Variants in ERCC5 observed in about 807,000 individuals in gnomAD.
ERCC5 encodes DNA excision repair protein ERCC-5.
A neutral mutation model predicts 105.6 loss-of-function variants in ERCC5; 68 were observed. The ratio of observed to expected loss-of-function variants is 0.64; its 90% CI spans 0.53 to 0.79. The LOEUF (loss-of-function observed/expected upper bound fraction) is 0.79. Among genes scored for constraint, ERCC5 ranks in the 30% least tolerant of loss-of-function variants. The pLI, the probability that ERCC5 is intolerant of heterozygous loss-of-function variation, is 0.00. For synonymous variants in ERCC5, 546 were observed against 526.2 expected, an observed-to-expected ratio of 1.04 and a Z score of -0.51; for missense variants, 1,373 against 1,426.7, an observed-to-expected ratio of 0.96 and a Z score of 0.61.
chr13:102,850,282 G>A (rs1429678563), intron 1 of ERCC5, among the ~76,000 whole-genome samples: 2 of 152,146 alleles, frequency 1.3e-5, no homozygotes, highest in African/African-American at 2.4e-5. Context: ...TCTAGACTGA[G>A]GAGGGGACCC....
At chr13:102,857,093 A>G (rs1204884006) in intron 5 of ERCC5, among the ~76,000 whole-genome samples, 1 of 152,220 alleles carries the variant, frequency 6.6e-6, no homozygotes, top group East Asian at 1.9e-4. Context: ...ACATTTTTCA[A>G]GTTTCTTAGT....
chr13:102,867,679 G>A (rs575650909), intron 11 of ERCC5, among the ~76,000 whole-genome samples: 2 of 152,322 alleles, frequency 1.3e-5, no homozygotes, highest in East Asian at 1.9e-4. Flanking sequence ...GAATGAAGTC[G>A]AGGAGGATTC....
intron 4 of ERCC5, among the ~76,000 whole-genome samples, chr13:102,854,705 T>G (rs1882341679): frequency 6.6e-6 from 1 of 152,196 alleles, no homozygotes; most frequent in Admixed American, 6.5e-5. Context: ...TCCAGTATGG[T>G]CTCTCTCACC....
chr13:102,872,231 G>A lies in ERCC5; in HGVS notation c.2712G>A (p.Lys904=), dbSNP rs763678416. The change falls in exon 13 of 15, where the codon AAG becomes AAA. Residue 904 remains lysine, a synonymous_variant. Transcript: ENST00000652225. The part of the protein sequence containing the change: ...EWWHEAQKNP[K]IRPNPHDTKV... ...GGCATGAAGCTCAAAAAAATCCAAA[G>A]ATAAGACCTAATCCTCATGACACCA... 7 of 1,613,824 alleles carry A rather than the reference G, an allele frequency of 4.3e-6. No individual in the cohort carries two copies. In the African/African-American group the frequency reaches 6.7e-5, roughly 15 times the overall value.
chr13:102,866,495 G>T (rs538035212), intron 10 of ERCC5, 114 bp downstream of exon 10: 2 of 1,601,166 alleles, frequency 1.2e-6, no homozygotes, highest in Admixed American at 1.7e-5. Context: ...TGGTGATGCC[G>T]TTCCCTGGGG....
chr13:102,853,339 T>A (rs979000959), intron 2 of ERCC5, among the ~76,000 whole-genome samples: 15 of 152,234 alleles, frequency 9.9e-5, no homozygotes, highest in African/African-American at 3.6e-4. Flanking sequence ...TGATATATAA[T>A]CTTGAATATT....
At chr13:102,873,135 C>A (rs1320928187) in intron 13 of ERCC5, 124 bp from the exon 14 acceptor site, 2 of 1,161,504 alleles carry the variant, frequency 1.7e-6, no homozygotes, top group East Asian at 2.5e-5. Context: ...GCACTCTAAT[C>A]TTTATAAATA....
chr13:102,846,303 T>C lies in ERCC5; in HGVS notation c.37T>C (p.Ser13Pro), dbSNP rs1881955244. The part of the protein sequence containing the change: ...VQGLWKLLEC[S>P]GRQVSPEALE... ...GGGGCTCTGGAAGCTGCTGGAGTGC[T>C]CCGGGCGGCAGGTCAGCCCCGAAGC... Residue 13 changes from serine to proline, a missense_variant, in exon 1 of 15, where the codon TCC becomes CCC. Transcript: ENST00000652225. 1 of 1,613,966 alleles carries C rather than the reference T, an allele frequency of 6.2e-7. No individual in the cohort carries two copies. The highest frequency in any genetic ancestry group is 1.1e-5 in the South Asian group (1 of 91,058).
intron 10 of ERCC5, 112 bp from the exon 11 acceptor site, chr13:102,866,520 C>G (rs1053038764): frequency 1.9e-6 from 3 of 1,600,534 alleles, no homozygotes; most frequent in Non-Finnish European, 2.6e-6. Context: ...CTGTGTGTCC[C>G]TAACTCTGCA....
At position 102,862,847 on chromosome 13, in the gene ERCC5, A is replaced by G. The variant is rs1456009796; in HGVS notation, c.1698A>G (p.Glu566=). 5 of 1,614,132 alleles carry G rather than the reference A, an allele frequency of 3.1e-6. No individual in the cohort carries two copies. Among genetic ancestry groups the G allele is most frequent in the Non-Finnish European group, 4.2e-6 (5 of 1,180,044 alleles). Residue 566 remains glutamate (E), a synonymous_variant, in exon 8 of 15, where the codon GAA becomes GAG. Coordinates refer to ENST00000652225, the MANE Select transcript of ERCC5 (RefSeq NM_000123.4). ...FDSSLLSSDD[E]TKCKPNSASE... ...CTTCTCTTCTTTCAAGTGATGATGA[A>G]ACAAAATGTAAACCGAATTCTGCTT...
chr13:102,860,843 G>A (rs899432838), intron 6 of ERCC5, among the ~76,000 whole-genome samples: 26 of 152,152 alleles, frequency 1.7e-4, no homozygotes, highest in African/African-American at 6.0e-4. Flanking sequence ...TATGGGATAA[G>A]GTTGTGCAGG....
chr13:102,874,956 C>A, intron 14 of ERCC5: 1 of 240,640 alleles, frequency 4.2e-6, no homozygotes, highest in Non-Finnish European at 8.2e-6. Context: ...TATAGTAGGA[C>A]TTAGAAACAG....
At chr13:102,857,390 A>T (rs1321041072) in intron 5 of ERCC5, among the ~76,000 whole-genome samples, 1 of 152,144 alleles carries the variant, frequency 6.6e-6, no homozygotes, top group Non-Finnish European at 1.5e-5. Flanking sequence ...AATTGATATC[A>T]ATGCCTTCCT....
intron 1 of ERCC5, among the ~76,000 whole-genome samples, chr13:102,847,529 A>G (rs2140512910): frequency 6.6e-6 from 1 of 152,298 alleles, no homozygotes; most frequent in East Asian, 1.9e-4. Context: ...AAACTTATAA[A>G]TAAAACGACA....
At chr13:102,864,019 T>C (rs1405004701) in intron 8 of ERCC5, among the ~76,000 whole-genome samples, 1 of 152,102 alleles carries the variant, frequency 6.6e-6, no homozygotes, top group African/African-American at 2.4e-5. Context: ...TATATGCATA[T>C]GTGTGTATAT....
intron 4 of ERCC5, among the ~76,000 whole-genome samples, chr13:102,855,573 A>G (rs533255726): frequency 6.6e-6 from 1 of 152,320 alleles, no homozygotes; most frequent in South Asian, 2.1e-4. Context: ...TCTTTAGGAT[A>G]AAACTTTAAC....
At chr13:102,854,837 G>T (rs1882348796) in intron 4 of ERCC5, among the ~76,000 whole-genome samples, 1 of 151,990 alleles carries the variant, frequency 6.6e-6, no homozygotes, top group South Asian at 2.1e-4. Context: ...CGCTCCCCCG[G>T]CATCTCTCTG....
intron 5 of ERCC5, among the ~76,000 whole-genome samples, chr13:102,857,355 G>C (rs1420348229): frequency 6.6e-6 from 1 of 152,144 alleles, no homozygotes; most frequent in Non-Finnish European, 1.5e-5. Context: ...AATTCTCCAA[G>C]GCTTTATTTT....
Position 102,858,310 on chromosome 13 carries a change from T to A in ERCC5, c.564T>A (p.Ile188=). 1 of 1,614,194 alleles carries A rather than the reference T, an allele frequency of 6.2e-7. No homozygotes were observed. Among genetic ancestry groups the A allele is most frequent in the Admixed American group, 1.7e-5 (1 of 60,028 alleles). The change falls in exon 6 of 15, where the codon ATT becomes ATA. Residue 188 remains isoleucine, a synonymous_variant. Transcript: ENST00000652225. ...TTCATAATCCTCAAGCGATAGATAT[T>A]GAGTCTGAGGACTTCAGCAGCCTGC... ...EFFHNPQAID[I]ESEDFSSLPP... is the part of the protein sequence containing the mutation.
Sources: gnomAD v4.1 joint callset for allele counts (sites outside exome capture counted in the v4.1 genomes callset) on GRCh38, gnomAD v4.1.1 for gene constraint, MANE v1.5 for transcripts, NCBI Gene and HGNC (gene_info 2026-07-23, HGNC 2026-07-21) for gene names.